The following EXOC4 variants were observed in gnomAD, a reference collection of about 807,000 sequenced individuals.
The protein encoded by EXOC4 is SEC8-like 1.
In EXOC4, 71 loss-of-function variants were observed where a neutral mutation model predicts 107.2. The observed-to-expected ratio is 0.66, with a 90% CI of 0.55 to 0.81. The LOEUF (loss-of-function observed/expected upper bound fraction) is 0.81. Ranked by LOEUF, EXOC4 falls within the 30% of genes least tolerant of loss-of-function variation. EXOC4 has a pLI of 0.00. For synonymous variants in EXOC4, 456 were observed against 441.2 expected, an observed-to-expected ratio of 1.03 and a Z score of -0.42; for missense variants, 1,108 against 1,189.6, an observed-to-expected ratio of 0.93 and a Z score of 1.01.
At chr7:133,741,639 A>G (rs928507380) in intron 10 of EXOC4, among the ~76,000 whole-genome samples, 2 of 152,206 alleles carry the variant, frequency 1.3e-5, no homozygotes, top group Non-Finnish European at 2.9e-5. Context: ...TAATTGAACT[A>G]TGTGCACAGT....
chr7:133,409,467 A>C (rs1174089759), intron 7 of EXOC4, among the ~76,000 whole-genome samples: 8 of 152,106 alleles, frequency 5.3e-5, no homozygotes, highest in Non-Finnish European at 2.9e-5. Context: ...CTGGAGGCTA[A>C]ATTTCTTTAT....
chr7:133,776,251 T>G (rs375091991), intron 10 of EXOC4, among the ~76,000 whole-genome samples: 4 of 152,308 alleles, frequency 2.6e-5, no homozygotes, highest in African/African-American at 9.6e-5. Flanking sequence ...ATACAAATGG[T>G]GTTGTCTTTA....
intron 9 of EXOC4, among the ~76,000 whole-genome samples, chr7:133,620,488 A>G (rs12539107): frequency 6.6e-6 from 1 of 152,162 alleles, no homozygotes; most frequent in African/African-American, 2.4e-5. Context: ...TGAAACATAC[A>G]TCCACACAAA....
At chr7:133,919,867 G>A (rs946261012) in intron 13 of EXOC4, among the ~76,000 whole-genome samples, 8 of 152,154 alleles carry the variant, frequency 5.3e-5, no homozygotes, top group African/African-American at 1.7e-4. Flanking sequence ...TGGTTTTTAT[G>A]TGGATGCAGG....
At chr7:133,537,587 T>G (rs531770032) in intron 9 of EXOC4, among the ~76,000 whole-genome samples, 1 of 152,322 alleles carries the variant, frequency 6.6e-6, no homozygotes, top group African/African-American at 2.4e-5. Flanking sequence ...AAAGTGTTTC[T>G]TCTAGTCAGA....
At chr7:133,950,927 T>A (rs1800675039) in intron 14 of EXOC4, among the ~76,000 whole-genome samples, 1 of 152,218 alleles carries the variant, frequency 6.6e-6, no homozygotes, top group South Asian at 2.1e-4. Flanking sequence ...ATTAACGCAT[T>A]TGTTCAAGCC....
At chr7:133,393,811 A>G (rs1467882299) in intron 7 of EXOC4, among the ~76,000 whole-genome samples, 2 of 152,150 alleles carry the variant, frequency 1.3e-5, no homozygotes, top group Admixed American at 6.5e-5. Flanking sequence ...AAGCTACTCA[A>G]TCTGTGGCAT....
At chr7:133,965,468 C>T (rs577683239) in intron 14 of EXOC4, among the ~76,000 whole-genome samples, 10 of 152,294 alleles carry the variant, frequency 6.6e-5, no homozygotes, top group South Asian at 2.1e-4. Context: ...TTAGGGCTTA[C>T]ATTTAAGTCT....
intron 1 of EXOC4, among the ~76,000 whole-genome samples, chr7:133,255,813 T>C (rs1278216318): frequency 6.6e-6 from 1 of 152,136 alleles, no homozygotes; most frequent in Admixed American, 6.5e-5. Flanking sequence ...AAGTATTACT[T>C]TGGTGTTTGG....
intron 10 of EXOC4, among the ~76,000 whole-genome samples, chr7:133,647,334 A>G (rs975135355): frequency 6.0e-4 from 91 of 152,316 alleles, no homozygotes; most frequent in African/African-American, 2.1e-3. Context: ...GTCACAATCA[A>G]CTCAAATAAA....
chr7:133,631,556 A>T (rs1345795192), intron 10 of EXOC4, among the ~76,000 whole-genome samples: 2 of 152,078 alleles, frequency 1.3e-5, no homozygotes, highest in Non-Finnish European at 2.9e-5. Flanking sequence ...AAGTTTTTAA[A>T]GAAATTTTAT....
chr7:133,303,295 A>G (rs1343616869), intron 3 of EXOC4, among the ~76,000 whole-genome samples: 3 of 152,256 alleles, frequency 2.0e-5, no homozygotes, highest in East Asian at 3.9e-4. Flanking sequence ...TTAGCTGGGC[A>G]TGGGGGCAGG....
intron 10 of EXOC4, among the ~76,000 whole-genome samples, chr7:133,689,478 G>A (rs1203943449): frequency 1.3e-5 from 2 of 152,156 alleles, no homozygotes; most frequent in African/African-American, 4.8e-5. Context: ...GTGGCTCACC[G>A]TATGGAAAAT....
intron 11 of EXOC4, among the ~76,000 whole-genome samples, chr7:133,877,971 G>T (rs943377224): frequency 6.6e-6 from 1 of 152,130 alleles, no homozygotes; most frequent in Admixed American, 6.5e-5. Flanking sequence ...CACTCAGAGG[G>T]CTCACGTCAT....
intron 10 of EXOC4, among the ~76,000 whole-genome samples, chr7:133,741,547 G>A (rs564824790): frequency 1.1e-4 from 17 of 152,250 alleles, no homozygotes; most frequent in East Asian, 5.8e-4. Context: ...AGCCTAGGTC[G>A]TATCTGGCCC....
At chr7:133,862,845 A>C (rs1798563865) in intron 11 of EXOC4, among the ~76,000 whole-genome samples, 1 of 152,182 alleles carries the variant, frequency 6.6e-6, no homozygotes, top group Non-Finnish European at 1.5e-5. Context: ...TTATGTCAAC[A>C]GTGAGAAATT....
intron 10 of EXOC4, among the ~76,000 whole-genome samples, chr7:133,789,956 G>A (rs1398632661): frequency 1.3e-5 from 2 of 152,126 alleles, no homozygotes; most frequent in Non-Finnish European, 2.9e-5. Context: ...TCTGGATAGG[G>A]AGATCTTCAA....
At chr7:133,693,672 AT>A (rs1194890030) in intron 10 of EXOC4, among the ~76,000 whole-genome samples, 1 of 152,192 alleles carries the variant, frequency 6.6e-6, no homozygotes, top group Non-Finnish European at 1.5e-5. Context: ...AATAAAAAAA[AT>A]ATAAAATGCT....
chr7:134,083,379 G>A, the EXOC4 span, among the ~76,000 whole-genome samples: 6 of 152,168 alleles, frequency 3.9e-5, no homozygotes, highest in Non-Finnish European at 7.4e-5. Flanking sequence ...TCCCTGTTCT[G>A]GTTATTTGTC....
Sources: allele counts gnomAD v4.1 joint callset (sites outside exome capture counted in the v4.1 genomes callset), GRCh38; gene constraint gnomAD v4.1.1; transcripts MANE v1.5; gene names NCBI Gene and HGNC (gene_info 2026-07-23, HGNC 2026-07-21).